The following PGPEP1L variants were observed in gnomAD, a reference collection of about 807,000 sequenced individuals.
PGPEP1L encodes the protein pyroglutamyl-peptidase I like, also known as pyroglutamyl-peptidase 1-like protein.
In PGPEP1L, 7 loss-of-function variants were observed where a neutral mutation model predicts 6.0. The observed-to-expected ratio is 1.17, with a 90% confidence interval of 0.66 to 2.19. PGPEP1L has a LOEUF of 2.19. Ranked by LOEUF, PGPEP1L falls within the 30% of genes most tolerant of loss-of-function variation. PGPEP1L has a pLI of 0.00. For missense variants in PGPEP1L, 209 were observed against 192.5 expected (o/e 1.09, Z -0.51); for synonymous variants, 103 against 83.9 (o/e 1.23, Z -1.24).
chr15:98,997,140 C>G (rs1411697579), intron 2 of PGPEP1L, among the ~76,000 whole-genome samples: 1 of 152,158 alleles, frequency 6.6e-6, no homozygotes, highest in Non-Finnish European at 1.5e-5. Context: ...TTTTGAGGAA[C>G]TGCCTGCAGA....
intron 2 of PGPEP1L, among the ~76,000 whole-genome samples, chr15:98,988,540 G>A (rs369039312): frequency 3.3e-5 from 5 of 152,340 alleles, no homozygotes; most frequent in African/African-American, 1.2e-4. Context: ...GAGCACCTGG[G>A]GGAAGGGGCA....
intron 2 of PGPEP1L, among the ~76,000 whole-genome samples, chr15:98,988,283 G>A (rs553224877): frequency 2.2e-4 from 33 of 152,258 alleles, no homozygotes; most frequent in African/African-American, 7.2e-4. Flanking sequence ...GGTCGACCTA[G>A]GACCCTTGAG....
chr15:98,975,697 G>A (rs1275635398), intron 2 of PGPEP1L, among the ~76,000 whole-genome samples: 6 of 152,028 alleles, frequency 3.9e-5, no homozygotes, highest in African/African-American at 9.7e-5. Context: ...CCTGGCCAAC[G>A]TGGTGAAACT....
At chr15:98,989,084 G>C (rs189270267) in intron 2 of PGPEP1L, among the ~76,000 whole-genome samples, 69 of 152,304 alleles carry the variant, frequency 4.5e-4, no homozygotes, top group Admixed American at 1.1e-3. Flanking sequence ...CACCTCAAAA[G>C]GATCACAGCT....
chr15:98,987,634 T>C (rs868989277), intron 2 of PGPEP1L, among the ~76,000 whole-genome samples: 6 of 152,310 alleles, frequency 3.9e-5, no homozygotes, highest in African/African-American at 1.2e-4. Context: ...TGTTTACTTA[T>C]CTGTTTTGTA....
chr15:98,976,813 A>C (rs2151756221), intron 2 of PGPEP1L, among the ~76,000 whole-genome samples: 1 of 152,258 alleles, frequency 6.6e-6, no homozygotes, highest in South Asian at 2.1e-4. Flanking sequence ...ATTTTAGTGG[A>C]GATAATACAT....
intron 2 of PGPEP1L, among the ~76,000 whole-genome samples, chr15:99,004,783 G>C (rs1385317934): frequency 2.0e-5 from 3 of 152,116 alleles, no homozygotes; most frequent in African/African-American, 7.2e-5. Context: ...CTGGGATGCT[G>C]ACTTGGTGAG....
intron 2 of PGPEP1L, among the ~76,000 whole-genome samples, chr15:98,987,222 A>G (rs1115505): frequency 0.021 from 3,060 of 146,794 alleles, 53 homozygotes; most frequent in Middle Eastern, 0.051. Flanking sequence ...TTTGATATTC[A>G]TATGGACATT....
intron 2 of PGPEP1L, among the ~76,000 whole-genome samples, chr15:98,992,015 G>A (rs1489515920): frequency 2.6e-5 from 4 of 152,090 alleles, no homozygotes; most frequent in African/African-American, 9.7e-5. Context: ...GGCAAAAACT[G>A]GAAATTCCCT....
At chr15:98,971,244 G>A in intron 2 of PGPEP1L, 86 bp from the exon 3 acceptor site, 1 of 1,440,088 alleles carries the variant, frequency 6.9e-7, no homozygotes, top group South Asian at 1.3e-5. Context: ...CCCAATCCTT[G>A]GGGTCTACTT....
At chr15:98,972,478 T>C (rs552345085) in intron 2 of PGPEP1L, among the ~76,000 whole-genome samples, 4 of 152,108 alleles carry the variant, frequency 2.6e-5, no homozygotes, top group South Asian at 4.2e-4. Context: ...GAAGAAGGGA[T>C]CTACAAAGCA....
intron 2 of PGPEP1L, 88 bp downstream of exon 2, chr15:99,005,341 T>C (rs1596531314): frequency 6.6e-6 from 1 of 152,446 alleles, no homozygotes; most frequent in East Asian, 1.9e-4. Context: ...CAGGGAACTA[T>C]TTAAGACCCA....
At chr15:99,006,374 T>A (rs782364025) in intron 1 of PGPEP1L, among the ~76,000 whole-genome samples, 1 of 152,250 alleles carries the variant, frequency 6.6e-6, no homozygotes, top group Non-Finnish European at 1.5e-5. Flanking sequence ...AACATGCCAC[T>A]GACAGTGAGC....
chr15:98,979,015 G>A (rs1173661895), intron 2 of PGPEP1L, among the ~76,000 whole-genome samples: 5 of 136,680 alleles, frequency 3.7e-5, no homozygotes, highest in East Asian at 2.1e-4. Context: ...GGTGTGAGCC[G>A]CCGCGCCTGG....
rs182593417 is a variant in PGPEP1L at position 98,969,745 on chromosome 15, G to A, written c.-18-94C>T. ...AAGGGGCCACTCCTTTTGAGAGCCC[G>A]GCTCTGTGCAAAACATCTCAAACCC... is the stretch of plus-strand genomic sequence containing the variant. On this transcript the variant is annotated intron_variant, in intron 3 of 4. Transcript: ENST00000535714. 551 of 1,319,282 alleles carry A rather than the reference G, an allele frequency of 4.2e-4. 3 individuals are homozygous for A. The African/African-American group carries it at 6.9e-3, about 16-fold the overall frequency. The allele number at this position is 1,319,282 out of a possible 1,614,324, so 81.7% of individuals were successfully genotyped here.
At chr15:98,980,437 T>C (rs1260407925) in intron 2 of PGPEP1L, among the ~76,000 whole-genome samples, 2 of 110,622 alleles carry the variant, frequency 1.8e-5, no homozygotes. Context: ...TCCATCCTGA[T>C]CTAATGAAAT....
intron 2 of PGPEP1L, among the ~76,000 whole-genome samples, chr15:99,000,696 G>A (rs1363420328): frequency 6.6e-6 from 1 of 152,080 alleles, no homozygotes; most frequent in Non-Finnish European, 1.5e-5. Context: ...GGGAACTTTT[G>A]TGTCTAACTC....
At chr15:98,973,184 C>T (rs7171042) in intron 2 of PGPEP1L, among the ~76,000 whole-genome samples, 7,703 of 152,182 alleles carry the variant, frequency 0.051, 653 homozygotes, top group African/African-American at 0.17. Context: ...TGTATATGCA[C>T]CTGACACCAG....
intron 2 of PGPEP1L, among the ~76,000 whole-genome samples, chr15:99,001,496 T>C (rs2017969237): frequency 1.3e-5 from 2 of 152,198 alleles, no homozygotes; most frequent in African/African-American, 2.4e-5. Context: ...GTGATGAATA[T>C]GTAACTTCGT....
Sources: allele counts gnomAD v4.1 joint callset (sites outside exome capture counted in the v4.1 genomes callset), GRCh38; gene constraint gnomAD v4.1.1; transcripts MANE v1.5; gene names NCBI Gene and HGNC (gene_info 2026-07-23, HGNC 2026-07-21).